The following ANXA11 variants were observed in gnomAD, a reference collection of about 807,000 sequenced individuals.
ANXA11 encodes the protein 56 kDa autoantigen.
A neutral mutation model predicts 64.7 loss-of-function variants in ANXA11; 57 were observed. The observed-to-expected ratio is 0.88, with a 90% CI of 0.71 to 1.10. ANXA11 has a LOEUF of 1.10. Among genes scored for constraint, ANXA11 ranks in the 50% least tolerant of loss-of-function variants. The pLI is 0.00. For synonymous variants in ANXA11, 260 were observed against 265.2 expected (o/e 0.98, Z 0.19); for missense variants, 675 against 670.7 (o/e 1.01, Z -0.07).
rs1037168137 is a variant in ANXA11, at chr10:80,166,255, T to C, written c.745-58A>G. On this transcript the variant is annotated intron_variant, in intron 7 of 15. Coordinates refer to ENST00000422982, the MANE Select transcript of ANXA11 (RefSeq NM_145868.2). ...AAAAAAAACAAGTCTATTTAAAAAA[T>C]CCACAGGAAGTGACTAATAAGAGCC... 5.5e-6 allele frequency: 6 copies of C among 1,098,966 alleles called. No individual in the cohort carries two copies. In the African/African-American group the frequency reaches 9.5e-5, roughly 17 times the overall value. The allele number at this position is 1,098,966 out of a possible 1,614,324, so 68.1% of individuals were successfully genotyped here.
At chr10:80,183,282 C>T (rs931235542) in intron 1 of ANXA11, among the ~76,000 whole-genome samples, 2 of 152,220 alleles carry the variant, frequency 1.3e-5, no homozygotes, top group African/African-American at 4.8e-5. Context: ...TTCCAAGGAT[C>T]TCAGCCAGAA....
At chr10:80,164,830 G>C (rs1029082255) in intron 8 of ANXA11, among the ~76,000 whole-genome samples, 3 of 152,356 alleles carry the variant, frequency 2.0e-5, no homozygotes, top group South Asian at 2.1e-4. Context: ...AGGATTAAGT[G>C]AGTTAATGTA....
At chr10:80,169,383 G>A (rs529882725) in intron 4 of ANXA11, 25 bp from the exon 5 acceptor site, 4 of 1,600,264 alleles carry the variant, frequency 2.5e-6, no homozygotes, top group East Asian at 2.2e-5. Flanking sequence ...AGCAGAGCCT[G>A]AGGCCAATGG....
rs111946553 is a variant in ANXA11 at position 80,166,052 on chromosome 10, A to G, written c.858+32T>C. 140 of 428,828 alleles carry G rather than the reference A, an allele frequency of 3.3e-4. 1 individual carries two copies. The highest frequency in any genetic ancestry group is 4.0e-4 in the African/African-American group (15 of 37,784). The allele number at this position is 428,828 out of a possible 1,614,324, so 26.6% of individuals were successfully genotyped here. A position where few individuals can be genotyped will look rare whatever the true frequency, so the allele number is the denominator to read the frequency against. On this transcript the variant is annotated intron_variant, in intron 8 of 15. Coordinates refer to ENST00000422982, the MANE Select transcript of ANXA11 (RefSeq NM_145868.2). ...TGCGCACACACGCGCGCACACACACACACACACACACACACACACACACGT... is the reference window on the plus strand; with the variant it reads ...TGCGCACACACGCGCGCACACACACGCACACACACACACACACACACACGT...
At position 80,168,951 on chromosome 10, in the gene ANXA11, C is replaced by T. The variant is rs1845852324; in HGVS notation, c.561+18G>A. On this transcript the variant is annotated intron_variant, in intron 5 of 15. Coordinates refer to ENST00000422982, the MANE Select transcript of ANXA11 (RefSeq NM_145868.2). ...GGGCCCAGGCCTGGACCAAGGGAGG[C>T]AGTGGGCTGACACTCACCTGGGTTG... 4 of 1,507,684 alleles carry T rather than the reference C, an allele frequency of 2.7e-6. No individual in the cohort carries two copies. Among genetic ancestry groups the T allele is most frequent in the East Asian group, 2.3e-5 (1 of 42,698 alleles). The allele number at this position is 1,507,684 out of a possible 1,614,324, so 93.4% of individuals were successfully genotyped here.
In ANXA11 at chr10:80,164,012, T is replaced by TGCAGAGGGCAGAGG. The variant is rs377206554; in HGVS notation, c.949+27_949+40dup. On this transcript the variant is annotated intron_variant, in intron 9 of 15. Transcript: ENST00000422982. ...CCACAGCCCCAAGAGCACAGGGATC[T>TGCAGAGGGCAGAGG]GCAGAGGGCAGAGGGCAGAGGGCAG... 4.5e-6 allele frequency: 7 copies of TGCAGAGGGCAGAGG among 1,548,936 alleles called. No homozygotes were observed. In the East Asian group the frequency reaches 6.8e-5, roughly 15 times the overall value.
At position 80,163,421 on chromosome 10, in the gene ANXA11, T is replaced by C. The variant is rs1430536434; in HGVS notation, c.1030-16A>G. ...CACGGTTTCCCTGAAAGGAAGCAGGTGTATGGTCATGCCCACTCCTTCCCC... is the reference window on the plus strand; with the variant it reads ...CACGGTTTCCCTGAAAGGAAGCAGGCGTATGGTCATGCCCACTCCTTCCCC... On this transcript the variant is annotated splice_polypyrimidine_tract_variant and intron_variant, in intron 10 of 15. Transcript: ENST00000422982. 6.2e-7 allele frequency: 1 copy of C among 1,614,078 alleles called. No individual in the cohort carries two copies.
chr10:80,201,653 T>A (rs1231660135), intron 1 of ANXA11, among the ~76,000 whole-genome samples: 2 of 152,122 alleles, frequency 1.3e-5, no homozygotes, highest in African/African-American at 4.8e-5. Context: ...CAACAGTGGG[T>A]TCTCAGTAAT....
rs746072698 is a variant in ANXA11, at chr10:80,172,814, A to G, written c.48T>C (p.Ala16=). 1.9e-6 allele frequency: 3 copies of G among 1,613,908 alleles called. No individual in the cohort carries two copies. In the African/African-American group the frequency reaches 4.0e-5, roughly 22 times the overall value. ...CACCCCAGACCCTCTTACCTGGTGC[A>G]GCTGGTGGGTAGCCACCTGGGGGCG... ...YPPPPGGYPP[A]APGGGPWGGA... The change falls in exon 3 of 16, where the codon GCT becomes GCC. Residue 16 remains alanine (A), a synonymous_variant. Coordinates refer to ENST00000422982, the MANE Select transcript of ANXA11 (RefSeq NM_145868.2).
At chr10:80,167,036 G>T in intron 6 of ANXA11, 52 bp from the exon 7 acceptor site, 1 of 1,440,662 alleles carries the variant, frequency 6.9e-7, no homozygotes, top group Non-Finnish European at 9.6e-7. Flanking sequence ...GAGATGCTCT[G>T]CAGCTGAGAC....
At chr10:80,177,462 G>A (rs1166251010) in intron 1 of ANXA11, among the ~76,000 whole-genome samples, 1 of 152,138 alleles carries the variant, frequency 6.6e-6, no homozygotes, top group Non-Finnish European at 1.5e-5. Context: ...CCTGGGTTCT[G>A]CCCATTGCTC....
At chr10:80,174,302 G>T (rs1445786879) in intron 2 of ANXA11, among the ~76,000 whole-genome samples, 1 of 151,770 alleles carries the variant, frequency 6.6e-6, no homozygotes, top group Non-Finnish European at 1.5e-5. Flanking sequence ...TTTGAGACAG[G>T]GTCTCACTCT....
intron 7 of ANXA11, 66 bp from the exon 8 acceptor site, chr10:80,166,263 A>G (rs1845736614): frequency 1.0e-6 from 1 of 974,212 alleles, no homozygotes; most frequent in African/African-American, 1.6e-5. Context: ...AATCCACAGG[A>G]AGTGACTAAT....
intron 1 of ANXA11, among the ~76,000 whole-genome samples, chr10:80,184,453 T>A (rs1034663219): frequency 6.6e-5 from 10 of 152,152 alleles, no homozygotes; most frequent in East Asian, 3.8e-4. Context: ...GCTGGTTACA[T>A]CCCTTCTGAA....
intron 1 of ANXA11, among the ~76,000 whole-genome samples, chr10:80,187,232 C>T (rs1038285281): frequency 2.0e-5 from 3 of 152,174 alleles, no homozygotes; most frequent in East Asian, 1.9e-4. Context: ...CATTTGGAGG[C>T]GGGGCCTCTG....
At chr10:80,171,146 A>G in intron 3 of ANXA11, 2 of 1,444,918 alleles carry the variant, frequency 1.4e-6, no homozygotes, top group Non-Finnish European at 1.8e-6. Context: ...GGAGTTCCCC[A>G]AACACTCCCA....
intron 2 of ANXA11, among the ~76,000 whole-genome samples, chr10:80,173,508 G>T (rs779184717): frequency 5.3e-5 from 8 of 152,240 alleles, no homozygotes; most frequent in Non-Finnish European, 7.3e-5. Flanking sequence ...CTGATTAAGA[G>T]AAGTAAGTGA....
At chr10:80,158,394 G>A (rs575178460) in intron 13 of ANXA11, among the ~76,000 whole-genome samples, 28 of 152,278 alleles carry the variant, frequency 1.8e-4, no homozygotes, top group Non-Finnish European at 2.8e-4. Context: ...GGCCATGACC[G>A]TCATGGAGAA....
chr10:80,182,068 T>C (rs903804941), intron 1 of ANXA11, among the ~76,000 whole-genome samples: 15 of 152,192 alleles, frequency 9.9e-5, no homozygotes, highest in Non-Finnish European at 1.5e-4. Context: ...AACTCTACGA[T>C]ATTCTGGAGA....
Sources: gnomAD v4.1 joint callset for allele counts (sites outside exome capture counted in the v4.1 genomes callset) on GRCh38, gnomAD v4.1.1 for gene constraint, MANE v1.5 for transcripts, NCBI Gene and HGNC (gene_info 2026-07-23, HGNC 2026-07-21) for gene names.